LUZP2: variants seen among roughly 807,000 people sequenced by gnomAD.
The protein encoded by LUZP2 is leucine zipper protein 2.
A neutral mutation model predicts 51.6 loss-of-function variants in LUZP2; 52 were observed. That is an observed-to-expected ratio of 1.01 (90% CI 0.81 to 1.27). LUZP2 has a LOEUF of 1.27. Among genes scored for constraint, LUZP2 ranks in the 50% most tolerant of loss-of-function variants. The pLI is 0.00. For synonymous variants in LUZP2, 154 were observed against 137.3 expected (o/e 1.12, Z -0.85); for missense variants, 436 against 395.4 (o/e 1.10, Z -0.87).
chr11:24,749,218 A>G (rs535472751), intron 4 of LUZP2, among the ~76,000 whole-genome samples: 1 of 152,290 alleles, frequency 6.6e-6, no homozygotes, highest in African/African-American at 2.4e-5. Context: ...AAATCAGAAG[A>G]GACCACTTTG....
intron 5 of LUZP2, among the ~76,000 whole-genome samples, chr11:24,816,356 T>A (rs1028975280): frequency 2.0e-5 from 3 of 152,056 alleles, no homozygotes; most frequent in Non-Finnish European, 2.9e-5. Flanking sequence ...ATTATAGCAA[T>A]GCATGATAAA....
intron 7 of LUZP2, among the ~76,000 whole-genome samples, chr11:24,948,165 C>A (rs533041716): frequency 4.6e-5 from 7 of 151,168 alleles, no homozygotes; most frequent in Non-Finnish European, 8.9e-5. Context: ...TATTAATTTT[C>A]CTTATTATTT....
chr11:24,665,185 C>T (rs1278351396), intron 1 of LUZP2, among the ~76,000 whole-genome samples: 6 of 152,166 alleles, frequency 3.9e-5, no homozygotes, highest in Non-Finnish European at 7.3e-5. Flanking sequence ...CATTTTGGAA[C>T]TTTAAGATTT....
At chr11:25,006,288 G>A (rs1228638668) in intron 9 of LUZP2, among the ~76,000 whole-genome samples, 3 of 152,140 alleles carry the variant, frequency 2.0e-5, no homozygotes, top group Non-Finnish European at 4.4e-5. Flanking sequence ...TGTCTGACAG[G>A]CATTAGGACC....
chr11:24,505,837 AAGAC>A (rs1382362859), intron 1 of LUZP2, among the ~76,000 whole-genome samples: 1 of 152,250 alleles, frequency 6.6e-6, no homozygotes, highest in African/African-American at 2.4e-5. Context: ...AAAATAAAGA[AAGAC>A]AGTATTACCT....
intron 1 of LUZP2, among the ~76,000 whole-genome samples, chr11:24,725,965 G>A: frequency 6.6e-6 from 1 of 152,066 alleles, no homozygotes; most frequent in East Asian, 1.9e-4. Context: ...AGAGGCCTAA[G>A]ACAGATCCTT....
intron 4 of LUZP2, among the ~76,000 whole-genome samples, chr11:24,759,301 C>T (rs1859892775): frequency 6.6e-6 from 1 of 151,970 alleles, no homozygotes; most frequent in African/African-American, 2.4e-5. Context: ...AGGGTAAATA[C>T]AATGTATTTT....
chr11:24,881,745 G>A (rs1350619123), intron 5 of LUZP2, among the ~76,000 whole-genome samples: 4 of 151,926 alleles, frequency 2.6e-5, no homozygotes, highest in Middle Eastern at 3.4e-3. Flanking sequence ...TCAATAAAAT[G>A]AAATATTTTT....
chr11:24,608,910 A>T (rs1473181420), intron 1 of LUZP2, among the ~76,000 whole-genome samples: 1 of 152,142 alleles, frequency 6.6e-6, no homozygotes, highest in East Asian at 1.9e-4. Context: ...GAGTTCTCCA[A>T]CCAAATACTT....
At chr11:24,641,962 T>C (rs565143602) in intron 1 of LUZP2, among the ~76,000 whole-genome samples, 1 of 152,028 alleles carries the variant, frequency 6.6e-6, no homozygotes, top group African/African-American at 2.4e-5. Context: ...GGCACGATTT[T>C]GGCTCACTGT....
At chr11:24,903,996 A>G (rs1045387661) in intron 5 of LUZP2, among the ~76,000 whole-genome samples, 8 of 152,110 alleles carry the variant, frequency 5.3e-5, no homozygotes, top group Admixed American at 4.6e-4. Flanking sequence ...ATATCCAGTA[A>G]TGGGGTTGCT....
intron 1 of LUZP2, among the ~76,000 whole-genome samples, chr11:24,657,814 C>T (rs747437423): frequency 6.6e-6 from 1 of 152,124 alleles, no homozygotes; most frequent in Admixed American, 6.5e-5. Flanking sequence ...TGAGTGAACT[C>T]CCATTCACAA....
Position 25,078,582 on chromosome 11 carries a change from GT to G in LUZP2, c.966del (p.Cys322TrpfsTer3), listed in dbSNP as rs1859385706. ...TTGCAAATGCCTCCTTGCTCTGAAT[GT>G]GAGGTGAAAAAAGCCCCAGAAAAAC... ...QKLQMPPCSE[C>X]EVKKAPEKPL... is the part of the protein sequence containing the mutation. On this transcript the variant is annotated frameshift_variant, in exon 12 of 12. Coordinates refer to ENST00000336930, the MANE Select transcript of LUZP2 (RefSeq NM_001009909.4). LOFTEE classifies it high-confidence loss of function. The G allele has an allele frequency of 6.2e-7, 1 of 1,612,400 alleles. No homozygotes were observed. The highest frequency in any genetic ancestry group is 1.1e-5 in the South Asian group (1 of 90,696).
intron 1 of LUZP2, among the ~76,000 whole-genome samples, chr11:24,551,233 G>C (rs10834382): frequency 1.3e-5 from 2 of 151,836 alleles, no homozygotes; most frequent in East Asian, 1.9e-4. Context: ...TAATATATAC[G>C]TACTACAAAA....
chr11:24,897,808 G>A (rs1171024869), intron 5 of LUZP2, among the ~76,000 whole-genome samples: 2 of 152,074 alleles, frequency 1.3e-5, no homozygotes, highest in Admixed American at 1.3e-4. Flanking sequence ...TTTTTTTAAT[G>A]GGGTTATTTA....
intron 1 of LUZP2, among the ~76,000 whole-genome samples, chr11:24,602,387 T>TATACACAC (rs377367310): frequency 1.3e-4 from 17 of 129,516 alleles, no homozygotes; most frequent in Non-Finnish European, 1.6e-4. Context: ...TATATATATA[T>TATACACAC]ACACACACAC....
intron 7 of LUZP2, among the ~76,000 whole-genome samples, chr11:24,934,009 G>T (rs1482097378): frequency 6.6e-6 from 1 of 152,100 alleles, no homozygotes; most frequent in Admixed American, 6.5e-5. Flanking sequence ...GGATGGGGAG[G>T]GTGTATCGTA....
chr11:24,716,673 G>T (rs1414911737), intron 1 of LUZP2, among the ~76,000 whole-genome samples: 1 of 152,150 alleles, frequency 6.6e-6, no homozygotes, highest in African/African-American at 2.4e-5. Context: ...AAGGCGGACG[G>T]ATCACCTGAG....
intron 1 of LUZP2, among the ~76,000 whole-genome samples, chr11:24,570,149 G>A (rs1212458792): frequency 6.6e-6 from 1 of 151,784 alleles, no homozygotes; most frequent in Non-Finnish European, 1.5e-5. Context: ...AACAAACTAG[G>A]GCAAAATTCC....
Sources: allele counts gnomAD v4.1 joint callset (sites outside exome capture counted in the v4.1 genomes callset), GRCh38; gene constraint gnomAD v4.1.1; transcripts MANE v1.5; gene names NCBI Gene and HGNC (gene_info 2026-07-23, HGNC 2026-07-21).